The following CFAP47 variants were observed in gnomAD, a reference collection of about 807,000 sequenced individuals.
CFAP47 encodes the protein cilia and flagella associated protein 47, also known as cilia- and flagella-associated protein 47.
Under a neutral mutation model 148.1 loss-of-function variants are expected in CFAP47, and 29 were observed. The ratio of observed to expected loss-of-function variants is 0.20; its 90% confidence interval spans 0.15 to 0.27. CFAP47 has a LOEUF of 0.27. Among genes scored for constraint, CFAP47 ranks in the 10% least tolerant of loss-of-function variants. CFAP47 has a pLI of 1.00. For missense variants in CFAP47, 1,872 were observed against 1,697.5 expected, an observed-to-expected ratio of 1.10 and a Z score of -1.81; for synonymous variants, 664 against 577.3, an observed-to-expected ratio of 1.15 and a Z score of -2.15.
At chrX:35,971,998 A>AT (rs1251427334) in intron 13 of CFAP47, 33 bp downstream of exon 13, 1 of 815,681 alleles carries the variant, frequency 1.2e-6, no homozygotes, top group Non-Finnish European at 1.7e-6. Flanking sequence ...TACAGCCTTT[A>AT]TTTTTTTATA....
chrX:36,113,966 T>C (rs143319729), intron 33 of CFAP47, among the ~76,000 whole-genome samples: 6,797 of 108,902 alleles, frequency 0.062, 583 homozygotes, highest in African/African-American at 0.21. Context: ...CCCACCACCA[T>C]GCCCAGCTAA....
Position 36,205,046 on chromosome X carries a change from C to G in CFAP47, c.6753C>G (p.Ile2251Met), listed in dbSNP as rs1232516381. ...TGAGCCTTCCAAAGTATTTTTATAT[C>G]CCTGAGAAAATCTCCATTCCTTGGA... ...TEVSLPKYFY[I>M]PEKISIPWIP... The change falls in exon 45 of 64, where the codon ATC (isoleucine) becomes ATG (methionine). Residue 2251 changes from isoleucine (I) to methionine (M), a missense_variant. Physicochemically the swap from Ile to Met is conservative, Grantham distance 10 (BLOSUM62 1). Transcript: ENST00000378653. 1 of 295,158 alleles carries G rather than the reference C, an allele frequency of 3.4e-6. No homozygotes were observed. Among genetic ancestry groups the G allele is most frequent in the Non-Finnish European group, 5.9e-6 (1 of 169,659 alleles). The allele number at this position is 295,158 out of a possible 1,213,427, so 24.3% of individuals were successfully genotyped here.
chrX:36,129,513 AT>A (rs1287273541), intron 33 of CFAP47, among the ~76,000 whole-genome samples: 37 of 111,345 alleles, frequency 3.3e-4, no homozygotes, highest in Non-Finnish European at 6.5e-4. Flanking sequence ...GAGTTCACAT[AT>A]CTTCATAACT....
At chrX:36,276,620 T>C (rs992619260) in intron 49 of CFAP47, among the ~76,000 whole-genome samples, 1 of 112,014 alleles carries the variant, frequency 8.9e-6, no homozygotes, top group African/African-American at 3.2e-5. Flanking sequence ...GTGTCAGGTA[T>C]GTTTTGAGTC....
chrX:36,179,666 T>C (rs1285354037), intron 40 of CFAP47, among the ~76,000 whole-genome samples: 2 of 112,000 alleles, frequency 1.8e-5, no homozygotes, highest in African/African-American at 6.5e-5. Flanking sequence ...TTATGTTCTA[T>C]AAAATTTCTG....
rs1381570950 is a variant in CFAP47 at position 36,371,757 on chromosome X, C to CATGTGTGTATATACACACATGTGTATAT, written c.9185+4653_9185+4680dup. 3.5e-4 allele frequency among the ~76,000 whole-genome samples: 16 copies of CATGTGTGTATATACACACATGTGTATAT among 46,086 alleles called. 1 individual carries two copies. The highest frequency in any genetic ancestry group is 7.5e-4 in the East Asian group (1 of 1,330). The allele number at this position is 46,086 out of a possible 115,157, so 40.0% of individuals were successfully genotyped here. A position where few individuals can be genotyped will look rare whatever the true frequency, so the allele number is the denominator to read the frequency against. On this transcript the variant is annotated intron_variant, in intron 62 of 63. Coordinates refer to ENST00000378653, the MANE Select transcript of CFAP47 (RefSeq NM_001304548.2). ...GTGTATATATGTGTGTATATACACA[C>CATGTGTGTATATACACACATGTGTATAT]ATGTGTGTATATACACACATGTGTA...
intron 2 of CFAP47, among the ~76,000 whole-genome samples, chrX:35,935,555 G>T (rs1394223688): frequency 7.1e-5 from 7 of 98,656 alleles, no homozygotes; most frequent in Non-Finnish European, 2.0e-5. Context: ...CTGATTTTTG[G>T]TTTTTACGAA....
In CFAP47 at chrX:36,381,196, A is replaced by AT. The variant is rs1444602337; in HGVS notation, c.9354+1680dup. On this transcript the variant is annotated intron_variant, in intron 63 of 63. Transcript: ENST00000378653. ...ATGAACATTCATCAACTTATGGCCAATTCTGCTTCACCTATATGCCTACTC... is the reference window on the plus strand; with the variant it reads ...ATGAACATTCATCAACTTATGGCCAATTTCTGCTTCACCTATATGCCTACTC... Among the ~76,000 whole-genome samples the AT allele has an allele frequency of 5.4e-5, 6 of 110,801 alleles. No homozygotes were observed. The Admixed American group carries it at 5.8e-4, about 11-fold the overall frequency.
At chrX:35,939,640 C>T (rs1935972033) in intron 2 of CFAP47, among the ~76,000 whole-genome samples, 2 of 79,818 alleles carry the variant, frequency 2.5e-5, no homozygotes, top group African/African-American at 9.3e-5. Flanking sequence ...TTTTTTATGG[C>T]TGCATAGTAT....
At position 35,997,127 on chromosome X, in the gene CFAP47, A is replaced by C. The variant is rs181502672; in HGVS notation, c.3100-185A>C. 2.7e-5 allele frequency among the ~76,000 whole-genome samples: 3 copies of C among 111,823 alleles called. No homozygotes were observed. The Admixed American group carries it at 2.9e-4, about 11-fold the overall frequency. On this transcript the variant is annotated intron_variant, in intron 18 of 63. Transcript: ENST00000378653. ...GGTGGTTCTAAGGGGTCAAACACTC[A>C]CTTAGGAGTATCAATTCTGCAAAAC...
chrX:35,920,142 T>C, intron 1 of CFAP47, 94 bp downstream of exon 1: 9 of 982,012 alleles, frequency 9.2e-6, no homozygotes, highest in Admixed American at 3.2e-5. Flanking sequence ...ATCTGGCTCC[T>C]GCCGGGATGG....
intron 48 of CFAP47, among the ~76,000 whole-genome samples, chrX:36,243,560 C>A (rs1940573305): frequency 9.7e-6 from 1 of 102,888 alleles, no homozygotes; most frequent in Non-Finnish European, 2.0e-5. Flanking sequence ...AGAGTTTAAA[C>A]CAACAACAAT....
chrX:35,928,241 C>T (rs1017612504), intron 2 of CFAP47, among the ~76,000 whole-genome samples: 4 of 110,414 alleles, frequency 3.6e-5, no homozygotes, highest in African/African-American at 6.6e-5. Context: ...CTTTTCAGAG[C>T]GCCTGTACCA....
chrX:36,098,791 A>G lies in CFAP47; in HGVS notation c.4917-2A>G. The G allele has an allele frequency of 8.8e-7, 1 of 1,141,771 alleles. No homozygotes were observed. The highest frequency in any genetic ancestry group is 1.2e-6 in the Non-Finnish European group (1 of 843,443). 94.1% of individuals were successfully genotyped at this position (1,141,771 alleles called of 1,213,427 possible). A position where few individuals can be genotyped will look rare whatever the true frequency, so the allele number is the denominator to read the frequency against. On this transcript the variant is annotated splice_acceptor_variant, in intron 30 of 63. Coordinates refer to ENST00000378653, the MANE Select transcript of CFAP47 (RefSeq NM_001304548.2). LOFTEE classifies it high-confidence loss of function. ...ATTTGAGTTTTTCTTTTTTAATTTT[A>G]GTGCTCAAGGAGGATGTATTTCACA...
chrX:36,234,529 A>G (rs1940424433), intron 46 of CFAP47, among the ~76,000 whole-genome samples: 1 of 111,408 alleles, frequency 9.0e-6, no homozygotes, highest in African/African-American at 3.3e-5. Context: ...AATTTTTTTC[A>G]AAGTTTTCAA....
chrX:36,023,278 A>G (rs1021259259), intron 22 of CFAP47, among the ~76,000 whole-genome samples: 7 of 112,035 alleles, frequency 6.2e-5, no homozygotes, highest in Middle Eastern at 9.3e-3. Context: ...TCAGGCAGAG[A>G]CTTGATCTTT....
intron 32 of CFAP47, among the ~76,000 whole-genome samples, chrX:36,100,465 A>C (rs963625918): frequency 8.9e-6 from 1 of 112,402 alleles, no homozygotes; most frequent in African/African-American, 3.2e-5. Flanking sequence ...TTGTGGGTAG[A>C]TTAACATAGC....
intron 13 of CFAP47, 55 bp from the exon 14 acceptor site, chrX:35,975,092 A>G (rs1936548362): frequency 7.1e-6 from 5 of 702,023 alleles, no homozygotes; most frequent in Non-Finnish European, 1.0e-5. Flanking sequence ...TTAAAAAGTA[A>G]ATGAAGTCAT....
rs199794948 is a variant in CFAP47 at position 36,213,007 on chromosome X, G to A, written c.6817+7897G>A. Reference sequence around the variant, plus strand: ...ACAAGCCTGTGATCCTGGCTACTCCGGAGGCTGAAACACGAGAATTTCTTG... The same window carrying A: ...ACAAGCCTGTGATCCTGGCTACTCCAGAGGCTGAAACACGAGAATTTCTTG... On this transcript the variant is annotated intron_variant, in intron 45 of 63. Transcript: ENST00000378653. Among the ~76,000 whole-genome samples the A allele has an allele frequency of 2.6e-4, 29 of 111,096 alleles. 1 individual carries two copies. The East Asian group carries it at 5.7e-3, about 22-fold the overall frequency.
Sources: allele counts gnomAD v4.1 joint callset (sites outside exome capture counted in the v4.1 genomes callset), GRCh38; gene constraint gnomAD v4.1.1; transcripts MANE v1.5; gene names NCBI Gene and HGNC (gene_info 2026-07-23, HGNC 2026-07-21).